The following ZMYND8 variants were observed in gnomAD, a reference collection of about 807,000 sequenced individuals.
ZMYND8 encodes the protein MYND-type zinc finger-containing chromatin reader ZMYND8.
Under a neutral mutation model 140.8 loss-of-function variants are expected in ZMYND8, and 37 were observed. The ratio of observed to expected loss-of-function variants is 0.26; its 90% CI spans 0.20 to 0.35. The LOEUF (loss-of-function observed/expected upper bound fraction) is 0.35, where lower values mean the gene tolerates loss of function less well. Among genes scored for constraint, ZMYND8 ranks in the 10% least tolerant of loss-of-function variants. The probability of loss-of-function intolerance (pLI) is 1.00; values close to 1 mark genes in which losing one functional copy is unlikely to be tolerated. For synonymous variants in ZMYND8, 592 were observed against 597.1 expected, an observed-to-expected ratio of 0.99 and a Z score of 0.12; for missense variants, 1,068 against 1,570.0, an observed-to-expected ratio of 0.68 and a Z score of 5.40.
intron 16 of ZMYND8, among the ~76,000 whole-genome samples, chr20:47,235,564 AGGCAT>A (rs1457274980): frequency 6.6e-6 from 1 of 152,076 alleles, no homozygotes; most frequent in Non-Finnish European, 1.5e-5. Flanking sequence ...AAGATTAGCC[AGGCAT>A]GGTGGCGCGT....
At chr20:47,222,115 G>A (rs1471485696) in intron 19 of ZMYND8, among the ~76,000 whole-genome samples, 3 of 152,224 alleles carry the variant, frequency 2.0e-5, no homozygotes, top group African/African-American at 7.2e-5. Context: ...TCTAGGTGGA[G>A]ACCTATATTT....
chr20:47,352,510 A>G, intron 1 of ZMYND8: 1 of 985,434 alleles, frequency 1.0e-6, no homozygotes, highest in South Asian at 4.7e-5. Flanking sequence ...CCCCCAACAG[A>G]GCCTGAGAAT....
At chr20:47,219,019 C>A (rs1600898217) in intron 21 of ZMYND8, among the ~76,000 whole-genome samples, 1 of 149,834 alleles carries the variant, frequency 6.7e-6, no homozygotes, top group Admixed American at 6.7e-5. Context: ...GAGATCAAGA[C>A]CAACCTGGCC....
intron 2 of ZMYND8, 66 bp downstream of exon 2, chr20:47,347,790 A>G: frequency 6.4e-7 from 1 of 1,556,502 alleles, no homozygotes; most frequent in Non-Finnish European, 8.8e-7. Flanking sequence ...ACTGCACTAC[A>G]ACAACAAAAA....
chr20:47,342,115 T>A (rs886664149), intron 2 of ZMYND8, among the ~76,000 whole-genome samples: 1 of 151,784 alleles, frequency 6.6e-6, no homozygotes, highest in Non-Finnish European at 1.5e-5. Flanking sequence ...GAGGTTGCAA[T>A]GAGCCGAGAT....
Position 47,238,938 on chromosome 20 carries a change from C to T in ZMYND8, c.2485G>A (p.Glu829Lys), listed in dbSNP as rs1425833873. Residue 829 changes from glutamate (E) to lysine (K), a missense_variant, in exon 15 of 23, where the codon GAG becomes AAG. Glu to Lys is a moderately conservative substitution (Grantham distance 56). Transcript: ENST00000471951. ...VKKQRPLLPK[E>K]TAPAVQRVVW... Reference sequence around the variant, plus strand: ...ACCCGCTGCACGGCCGGGGCAGTCTCCTTCGGTAAAAGCGGCCTCTGCTTT... The same window carrying T: ...ACCCGCTGCACGGCCGGGGCAGTCTTCTTCGGTAAAAGCGGCCTCTGCTTT... The T allele has an allele frequency of 6.2e-7, 1 of 1,613,832 alleles. No homozygotes were observed. Among genetic ancestry groups the T allele is most frequent in the East Asian group, 2.2e-5 (1 of 44,894 alleles).
At chr20:47,315,391 T>G (rs1285320100) in intron 2 of ZMYND8, among the ~76,000 whole-genome samples, 1 of 152,158 alleles carries the variant, frequency 6.6e-6, no homozygotes, top group Non-Finnish European at 1.5e-5. Context: ...GGTCGAAATT[T>G]GATAGGTTCC....
At position 47,226,242 on chromosome 20, in the gene ZMYND8, T is replaced by C. The variant is rs569848301; in HGVS notation, c.3016+961A>G. On this transcript the variant is annotated intron_variant, in intron 18 of 22. Transcript: ENST00000471951. ...CCAAGGGCTCCTCTCCAGGGGGCTC[T>C]GAAAGGATTCATGTCTGCAAGGTGT... Among the ~76,000 whole-genome samples the C allele has an allele frequency of 2.6e-5, 4 of 152,032 alleles. No individual in the cohort carries two copies. In the East Asian group the frequency reaches 7.7e-4, roughly 29 times the overall value.
Position 47,307,329 on chromosome 20 carries a change from A to C in ZMYND8, c.234+2727T>G, listed in dbSNP as rs191480993. Among the ~76,000 whole-genome samples the C allele has an allele frequency of 5.3e-3, 801 of 151,656 alleles. 7 individuals carry two copies. Among genetic ancestry groups the C allele is most frequent in the African/African-American group, 0.018 (757 of 41,346 alleles). On this transcript the variant is annotated intron_variant, in intron 3 of 22. Transcript: ENST00000471951. Reference sequence around the variant, plus strand: ...AAAAATTAGCCGGGTGTGGTGGTGCATGCCTGTAATCCCAGCTACTCAGGA... The same window carrying C: ...AAAAATTAGCCGGGTGTGGTGGTGCCTGCCTGTAATCCCAGCTACTCAGGA...
intron 2 of ZMYND8, among the ~76,000 whole-genome samples, chr20:47,328,333 T>C (rs569228061): frequency 7.2e-5 from 11 of 152,334 alleles, no homozygotes; most frequent in Non-Finnish European, 1.3e-4. Flanking sequence ...CAAACTGTTA[T>C]CACTGGTTAC....
At chr20:47,300,932 G>GTTT (rs1297500195) in intron 3 of ZMYND8, among the ~76,000 whole-genome samples, 1 of 122,934 alleles carries the variant, frequency 8.1e-6, no homozygotes, top group East Asian at 2.4e-4. Context: ...GTGTGTGTGT[G>GTTT]TGTTTTGTTT....
At chr20:47,289,484 T>A (rs188050761) in intron 7 of ZMYND8, among the ~76,000 whole-genome samples, 1 of 152,254 alleles carries the variant, frequency 6.6e-6, no homozygotes, top group African/African-American at 2.4e-5. Context: ...GAAAAACCTA[T>A]GTCCATGCAA....
At chr20:47,228,057 C>A in intron 17 of ZMYND8, among the ~76,000 whole-genome samples, 1 of 149,356 alleles carries the variant, frequency 6.7e-6, no homozygotes, top group East Asian at 2.0e-4. Context: ...CATGCCACTG[C>A]GCTGCAACCT....
intron 3 of ZMYND8, among the ~76,000 whole-genome samples, chr20:47,300,884 TTGTGTGTGTGTGTGTGTGTGTGTG>T (rs200833449): frequency 3.1e-5 from 4 of 130,388 alleles, no homozygotes; most frequent in South Asian, 4.9e-4. Flanking sequence ...ACAACTAATT[TTGTGTGTGTGTGTGTGTGTGTGTG>T]TGTGTGTGTG....
intron 21 of ZMYND8, among the ~76,000 whole-genome samples, chr20:47,218,429 TTCA>T (rs2036447739): frequency 6.6e-6 from 1 of 152,250 alleles, no homozygotes; most frequent in African/African-American, 2.4e-5. Flanking sequence ...TATTGCTTAG[TTCA>T]TGTTTTTATT....
Position 47,321,590 on chromosome 20 carries a change from C to A in ZMYND8, c.86-11386G>T, listed in dbSNP as rs536571026. ...CACCACCCACAGAGGTGCATGTATT[C>A]ATTAAGAAGGAAAATGATTCCTGAT... On this transcript the variant is annotated intron_variant, in intron 2 of 22. Coordinates refer to ENST00000471951, the MANE Select transcript of ZMYND8 (RefSeq NM_001281775.3). Among the ~76,000 whole-genome samples, 69 of 152,268 alleles carry A rather than the reference C, an allele frequency of 4.5e-4. 2 individuals are homozygous for A. The highest frequency in any genetic ancestry group is 1.7e-3 in the African/African-American group (69 of 41,542).
intron 19 of ZMYND8, among the ~76,000 whole-genome samples, chr20:47,222,408 C>T (rs2146947349): frequency 6.6e-6 from 1 of 152,264 alleles, no homozygotes; most frequent in South Asian, 2.1e-4. Flanking sequence ...TGGTGGCGGG[C>T]ACCTGTAGTC....
At chr20:47,338,439 A>T (rs1470963131) in intron 2 of ZMYND8, among the ~76,000 whole-genome samples, 2 of 152,098 alleles carry the variant, frequency 1.3e-5, no homozygotes, top group Non-Finnish European at 2.9e-5. Flanking sequence ...AAAAAAAAAA[A>T]CATGTTCACT....
At chr20:47,315,814 C>T (rs1173519143) in intron 2 of ZMYND8, among the ~76,000 whole-genome samples, 3 of 152,140 alleles carry the variant, frequency 2.0e-5, no homozygotes, top group Admixed American at 6.6e-5. Context: ...CCTGTGACCC[C>T]GCCCGGCTGG....
Sources: gnomAD v4.1 joint callset for allele counts (sites outside exome capture counted in the v4.1 genomes callset) on GRCh38, gnomAD v4.1.1 for gene constraint, MANE v1.5 for transcripts, NCBI Gene and HGNC (gene_info 2026-07-23, HGNC 2026-07-21) for gene names.